Variants in FADS3 observed in about 807,000 individuals in gnomAD.
The protein encoded by FADS3 is cytochrome b5-related protein.
Under a neutral mutation model 60.4 loss-of-function variants are expected in FADS3, and 30 were observed. The observed-to-expected ratio is 0.50, with a 90% CI of 0.37 to 0.67. FADS3 has a LOEUF of 0.67. Ranked by LOEUF, FADS3 falls within the 30% of genes least tolerant of loss-of-function variation. FADS3 has a pLI of 0.00. For missense variants in FADS3, 432 were observed against 598.3 expected (o/e 0.72, Z 2.90); for synonymous variants, 234 against 249.3 (o/e 0.94, Z 0.58).
chr11:61,882,190 A>T (rs1938160909), intron 1 of FADS3: 1 of 138,826 alleles, frequency 7.2e-6, no homozygotes, highest in Admixed American at 8.1e-5. Context: ...GGCTCACTGC[A>T]GCCTCAACCT....
In FADS3 at chr11:61,878,515, G is replaced by A. The variant is rs773018713; in HGVS notation, c.744C>T (p.Val248=). Residue 248 remains valine, a synonymous_variant, in exon 5 of 12, where the codon GTC becomes GTT. Transcript: ENST00000278829. ...GTCCACGTCCCTCCCCACCCACCTC[G>A]ACGGATGACTCCCCCAGGAGGAAGA... is the stretch of plus-strand genomic sequence containing the variant. ...APVFLLGESS[V]EYGKKKRRYL... The A allele has an allele frequency of 4.2e-5, 68 of 1,613,604 alleles. No homozygotes were observed. The highest frequency in any genetic ancestry group is 9.9e-5 in the South Asian group (9 of 91,046).
At chr11:61,885,505 C>T (rs553397481) in intron 1 of FADS3, among the ~76,000 whole-genome samples, 1 of 152,306 alleles carries the variant, frequency 6.6e-6, no homozygotes, top group South Asian at 2.1e-4. Flanking sequence ...TGAGAGTCCA[C>T]TTAGAGGTAA....
At chr11:61,888,790 T>C (rs1938396535) in intron 1 of FADS3, among the ~76,000 whole-genome samples, 1 of 152,218 alleles carries the variant, frequency 6.6e-6, no homozygotes, top group Admixed American at 6.5e-5. Context: ...TCTCCCACTT[T>C]ACAGATGAGT....
chr11:61,888,841 G>A (rs1246176963), intron 1 of FADS3, among the ~76,000 whole-genome samples: 5 of 152,128 alleles, frequency 3.3e-5, no homozygotes, highest in East Asian at 1.9e-4. Flanking sequence ...CTTCAAGGTC[G>A]CTCAGTGCCT....
rs141077762 is a variant in FADS3 at position 61,878,432 on chromosome 11, G to T, written c.747+80C>A. 2.6e-4 allele frequency: 407 copies of T among 1,560,186 alleles called. 2 individuals are homozygous for T. In the African/African-American group the frequency reaches 4.8e-3, roughly 18 times the overall value. On this transcript the variant is annotated intron_variant, in intron 5 of 11. Coordinates refer to ENST00000278829, the MANE Select transcript of FADS3 (RefSeq NM_021727.5). ...AGGCCAGATCAGGGGCTAGGTCAGGGGCAGAGTGGGGACCCAGTGCATTAG... is the reference window on the plus strand; with the variant it reads ...AGGCCAGATCAGGGGCTAGGTCAGGTGCAGAGTGGGGACCCAGTGCATTAG...
chr11:61,890,478 G>T (rs1032650457), intron 1 of FADS3: 1 of 152,384 alleles, frequency 6.6e-6, no homozygotes, highest in African/African-American at 2.4e-5. Context: ...CTAAGGAAAA[G>T]GGGCTGGTCG....
intron 1 of FADS3, among the ~76,000 whole-genome samples, chr11:61,886,999 G>A (rs117528809): frequency 6.6e-6 from 1 of 152,292 alleles, no homozygotes; most frequent in Non-Finnish European, 1.5e-5. Context: ...GGGGCTGCTG[G>A]GAAACTCCTC....
chr11:61,891,468 GCCTCC>G lies in FADS3; in HGVS notation c.-92_-88del. On this transcript the variant is annotated 5_prime_UTR_variant, in exon 1 of 12. Transcript: ENST00000278829. ...GAAGCGAAGAGCGCTCCCGGGCGCCGCCTCCGCCGCCGCCCGCTGCTCCGGCCCCG... is the reference window on the plus strand; with the variant it reads ...GAAGCGAAGAGCGCTCCCGGGCGCCGGCCGCCGCCCGCTGCTCCGGCCCCG... 4.2e-6 allele frequency: 4 copies of G among 942,518 alleles called. No homozygotes were observed. Among genetic ancestry groups the G allele is most frequent in the Non-Finnish European group, 5.6e-6 (4 of 717,770 alleles). The allele number at this position is 942,518 out of a possible 1,614,324, so 58.4% of individuals were successfully genotyped here. A position where few individuals can be genotyped will look rare whatever the true frequency, so the allele number is the denominator to read the frequency against.
intron 1 of FADS3, among the ~76,000 whole-genome samples, chr11:61,887,657 G>C (rs749330306): frequency 1.3e-5 from 2 of 152,202 alleles, no homozygotes; most frequent in Non-Finnish European, 2.9e-5. Flanking sequence ...TGCTCTAGCT[G>C]ATCCCTCTGC....
chr11:61,879,951 G>A, intron 2 of FADS3, 90 bp downstream of exon 2: 1 of 1,052,930 alleles, frequency 9.5e-7, no homozygotes. Context: ...AATGCCGAGG[G>A]AGCTGCTCCT....
Position 61,876,720 on chromosome 11 carries a change from C to T in FADS3, c.983+146G>A, listed in dbSNP as rs756538564. 1.1e-4 allele frequency: 85 copies of T among 777,794 alleles called. No individual in the cohort carries two copies. The highest frequency in any genetic ancestry group is 2.1e-4 in the African/African-American group (12 of 58,384). 48.2% of individuals were successfully genotyped at this position (777,794 alleles called of 1,614,324 possible). On this transcript the variant is annotated intron_variant, in intron 8 of 11. Coordinates refer to ENST00000278829, the MANE Select transcript of FADS3 (RefSeq NM_021727.5). This position sits in a 1 kb window ranked among gnomAD's most constrained non-coding sequence, Gnocchi z 5.7. Reference sequence around the variant, plus strand: ...ACCCACCGACCCTGGGCTCCTGCCACGCTTGTGTTTATGTGATTCCACCAG... The same window carrying T: ...ACCCACCGACCCTGGGCTCCTGCCATGCTTGTGTTTATGTGATTCCACCAG...
intron 1 of FADS3, among the ~76,000 whole-genome samples, chr11:61,885,388 G>C (rs1306076183): frequency 1.3e-5 from 2 of 152,224 alleles, no homozygotes; most frequent in Non-Finnish European, 2.9e-5. Context: ...AAGGCTGCTG[G>C]GAGGATGCAG....
chr11:61,875,523 G>A (rs538340372), intron 11 of FADS3, among the ~76,000 whole-genome samples: 86 of 151,266 alleles, frequency 5.7e-4, no homozygotes, highest in African/African-American at 1.8e-3. Context: ...GTGAGCCACC[G>A]CACCCGGCCC....
At position 61,876,521 on chromosome 11, in the gene FADS3, G is replaced by A. The variant is rs539256944; in HGVS notation, c.984-66C>T. ...ACTTAGGCACCCTGAGTGGAGGCTGGAGAGCAGCTGTCCCCAAGTGGCCTT... is the reference window on the plus strand; with the variant it reads ...ACTTAGGCACCCTGAGTGGAGGCTGAAGAGCAGCTGTCCCCAAGTGGCCTT... On this transcript the variant is annotated intron_variant, in intron 8 of 11. Coordinates refer to ENST00000278829, the MANE Select transcript of FADS3 (RefSeq NM_021727.5). The surrounding 1 kb of genome is among the most constrained non-coding windows in gnomAD (Gnocchi z 5.7). 4.0e-5 allele frequency: 52 copies of A among 1,306,386 alleles called. No homozygotes were observed. Among genetic ancestry groups the A allele is most frequent in the Middle Eastern group, 3.7e-4 (2 of 5,418 alleles). The allele number at this position is 1,306,386 out of a possible 1,614,324, so 80.9% of individuals were successfully genotyped here. A position where few individuals can be genotyped will look rare whatever the true frequency, so the allele number is the denominator to read the frequency against.
rs772263661 is a variant in FADS3 at position 61,879,420 on chromosome 11, T to A, written c.414A>T (p.Leu138=). 6.2e-7 allele frequency: 1 copy of A among 1,602,308 alleles called. No individual in the cohort carries two copies. Among genetic ancestry groups the A allele is most frequent in the Non-Finnish European group, 8.5e-7 (1 of 1,175,372 alleles). The change falls in exon 3 of 12, where the codon CTA becomes CTT. Residue 138 remains leucine (L), a synonymous_variant. Coordinates refer to ENST00000278829, the MANE Select transcript of FADS3 (RefSeq NM_021727.5). The part of the protein sequence containing the change: ...FDASPTFFAF[L]LGHILAMEVL... ...CCTCCATGGCCAGGATGTGGCCCAGTAGGAAAGCAAAGAAGGTGGGACTGG... is the reference window on the plus strand; with the variant it reads ...CCTCCATGGCCAGGATGTGGCCCAGAAGGAAAGCAAAGAAGGTGGGACTGG...
chr11:61,878,609 A>G lies in FADS3; in HGVS notation c.650T>C (p.Phe217Ser). The change falls in exon 5 of 12, where the codon TTC becomes TCC. Residue 217 changes from phenylalanine (F) to serine (S), a missense_variant. Physicochemically the swap from Phe to Ser is radical, Grantham distance 155. This residue lies in a region of FADS3 where 116 missense variants were observed against 208.9 expected (regional missense o/e 0.56). Transcript: ENST00000278829. ...CTTGGCGTGGTGCTGGAAGTGGCGG[A>G]AGTTCCACCAGTGGGCGGAGAAGCC... Reference protein sequence around the residue: ...LKGFSAHWWNFRHFQHHAKPN... With the variant: ...LKGFSAHWWNSRHFQHHAKPN... The G allele has an allele frequency of 6.2e-7, 1 of 1,614,084 alleles. No homozygotes were observed. The highest frequency in any genetic ancestry group is 1.1e-5 in the South Asian group (1 of 91,084).
At chr11:61,879,556 A>AC (rs1477071100) in intron 2 of FADS3, 47 bp from the exon 3 acceptor site, 17 of 1,519,992 alleles carry the variant, frequency 1.1e-5, no homozygotes, top group Non-Finnish European at 8.9e-7. Flanking sequence ...ATTCCTCCCC[A>AC]CCCCCATTCT....
rs1937855556 is a variant in FADS3 at position 61,875,852 on chromosome 11, T to G, written c.1285A>C (p.Arg429=). 1.9e-6 allele frequency: 3 copies of G among 1,612,114 alleles called. No homozygotes were observed. The African/African-American group carries it at 4.0e-5, about 22-fold the overall frequency. Residue 429 remains arginine, a splice_region_variant and synonymous_variant, in exon 11 of 12, where the codon AGG becomes CGG. Coordinates refer to ENST00000278829, the MANE Select transcript of FADS3 (RefSeq NM_021727.5). ...AGAGGGGCCGGGCTGCAGCCTCACCTGACGATGTCCACCAGCGCGGTGAGG... is the reference window on the plus strand; with the variant it reads ...AGAGGGGCCGGGCTGCAGCCTCACCGGACGATGTCCACCAGCGCGGTGAGG... ...PFLTALVDIV[R]SLKKSGDIWL...
chr11:61,879,677 G>C (rs535884776), intron 2 of FADS3, among the ~76,000 whole-genome samples, 168 bp from the exon 3 acceptor site: 1 of 152,344 alleles, frequency 6.6e-6, no homozygotes, highest in African/African-American at 2.4e-5. Context: ...CTGGCTGGTG[G>C]TGAAGCCTCC....
Sources: allele counts gnomAD v4.1 joint callset (sites outside exome capture counted in the v4.1 genomes callset), GRCh38; gene constraint gnomAD v4.1.1; regional missense constraint gnomAD v4.1.1; non-coding constraint Gnocchi (gnomAD v3.1); transcripts MANE v1.5; gene names NCBI Gene and HGNC (gene_info 2026-07-23, HGNC 2026-07-21).